The following RMDN2 variants were observed in gnomAD, a reference collection of about 807,000 sequenced individuals.
RMDN2 encodes the protein regulator of microtubule dynamics 2, also known as regulator of microtubule dynamics protein 2.
In RMDN2, 61 loss-of-function variants were observed where a neutral mutation model predicts 52.8. The ratio of observed to expected loss-of-function variants is 1.16; its 90% CI spans 0.94 to 1.43. The LOEUF is 1.43. RMDN2 is among the 40% of genes most tolerant of loss of function. The probability of loss-of-function intolerance (pLI) is 0.00; values close to 1 mark genes in which losing one functional copy is unlikely to be tolerated. For missense variants in RMDN2, 592 were observed against 475.3 expected (o/e 1.25, Z -2.28); for synonymous variants, 180 against 153.1 (o/e 1.18, Z -1.30).
chr2:37,969,724 G>A (rs981575646), intron 2 of RMDN2, among the ~76,000 whole-genome samples: 1 of 151,870 alleles, frequency 6.6e-6, no homozygotes, highest in Non-Finnish European at 1.5e-5. Context: ...GAGCAATATT[G>A]GACATATTTT....
chr2:38,048,532 G>T (rs1457694708), intron 10 of RMDN2, among the ~76,000 whole-genome samples: 2 of 152,216 alleles, frequency 1.3e-5, no homozygotes, highest in African/African-American at 2.4e-5. Context: ...TGGCATGTGA[G>T]CTGGCCCGGC....
Position 38,064,955 on chromosome 2 carries a change from C to T in RMDN2, c.1714-2027C>T, listed in dbSNP as rs147120604. 7.9e-4 allele frequency among the ~76,000 whole-genome samples: 120 copies of T among 152,258 alleles called. 1 individual carries two copies. The East Asian group carries it at 0.015, about 19-fold the overall frequency. On this transcript the variant is annotated intron_variant, in intron 10 of 10. Coordinates refer to the RMDN2 transcript ENST00000234195. ...AACATGCAATATTTAAATTACATAA[C>T]GCACTCACTTGCTGACCCAACACTT...
At chr2:38,005,323 G>GT (rs1220862523) in intron 10 of RMDN2, among the ~76,000 whole-genome samples, 2 of 152,226 alleles carry the variant, frequency 1.3e-5, no homozygotes, top group Non-Finnish European at 2.9e-5. Flanking sequence ...CACCAACAGT[G>GT]TAAAAGTGTT....
chr2:37,970,570 A>G (rs529732257), intron 2 of RMDN2, among the ~76,000 whole-genome samples: 1 of 152,302 alleles, frequency 6.6e-6, no homozygotes, highest in Non-Finnish European at 1.5e-5. Flanking sequence ...GGGGCATTCC[A>G]TCTTTAGTAA....
chr2:37,949,107 A>G (rs928719565), intron 2 of RMDN2, among the ~76,000 whole-genome samples: 4 of 152,202 alleles, frequency 2.6e-5, no homozygotes, highest in East Asian at 1.9e-4. Flanking sequence ...GGAACAAAAG[A>G]CAGTAGTCTC....
At chr2:37,999,585 G>C (rs1246140572) in intron 8 of RMDN2, among the ~76,000 whole-genome samples, 6 of 152,158 alleles carry the variant, frequency 3.9e-5, no homozygotes, top group Admixed American at 3.9e-4. Context: ...TGAGAGGACT[G>C]AGGGGTCTGG....
chr2:37,963,939 G>A (rs1012957416), intron 2 of RMDN2, among the ~76,000 whole-genome samples: 2 of 151,342 alleles, frequency 1.3e-5, no homozygotes, highest in African/African-American at 2.4e-5. Flanking sequence ...GCGGCCAGGC[G>A]GAGGTGCCCC....
At chr2:37,943,024 T>G (rs970789191) in intron 2 of RMDN2, among the ~76,000 whole-genome samples, 2 of 152,188 alleles carry the variant, frequency 1.3e-5, no homozygotes, top group Non-Finnish European at 1.5e-5. Context: ...GCTAAGAGAT[T>G]GAAGCCACTG....
At chr2:38,065,049 CCTCG>C (rs1288880289) in intron 10 of RMDN2, among the ~76,000 whole-genome samples, 1 of 152,162 alleles carries the variant, frequency 6.6e-6, no homozygotes, top group Non-Finnish European at 1.5e-5. Flanking sequence ...CCAAGCTGTT[CCTCG>C]CTGCATCATT....
chr2:38,044,277 A>G (rs1451377930), intron 10 of RMDN2, among the ~76,000 whole-genome samples: 1 of 151,940 alleles, frequency 6.6e-6, no homozygotes, highest in Non-Finnish European at 1.5e-5. Context: ...CTACAGGTAA[A>G]GTATTTAGTT....
chr2:38,007,114 T>A (rs1466135820), intron 10 of RMDN2, among the ~76,000 whole-genome samples: 3 of 152,214 alleles, frequency 2.0e-5, no homozygotes, highest in African/African-American at 7.2e-5. Context: ...TGCCAGTATT[T>A]TATTGAGGAT....
intron 10 of RMDN2, among the ~76,000 whole-genome samples, chr2:38,038,518 G>C (rs1190604061): frequency 1.3e-5 from 2 of 152,168 alleles, no homozygotes; most frequent in Non-Finnish European, 2.9e-5. Context: ...ACCGCTGCCT[G>C]CAACCCCCGC....
At position 37,991,224 on chromosome 2, in the gene RMDN2, A is replaced by G. The variant is rs1674748041; in HGVS notation, c.872A>G (p.His291Arg). The change falls in exon 7 of 11, where the codon CAT becomes CGT. Residue 291 changes from histidine (H) to arginine (R), a missense_variant. Coordinates refer to ENST00000354545, the MANE Select transcript of RMDN2 (RefSeq NM_001170791.3). ...KINYGHLFKE[H>R]LDIAIKLLPE... is the part of the protein sequence containing the mutation. ...TCCTTTGGATGCTTTTTTCAGGAAC[A>G]TCTAGATATAGCAATCAAACTTTTA... 1.3e-6 allele frequency: 2 copies of G among 1,577,420 alleles called. No homozygotes were observed. The highest frequency in any genetic ancestry group is 1.7e-6 in the Non-Finnish European group (2 of 1,156,628).
chr2:38,004,213 AG>A lies in RMDN2; in HGVS notation c.1177del (p.Glu393ArgfsTer12), dbSNP rs1231593970. On this transcript the variant is annotated frameshift_variant and splice_region_variant, in exon 10 of 11. Transcript: ENST00000354545. LOFTEE classifies it high-confidence loss of function. ...CTTTATTGCTTCCTACTGTTACCAAAGAGGTAAGTCCAGAAAGTGACAGTGA... is the reference window on the plus strand; with the variant it reads ...CTTTATTGCTTCCTACTGTTACCAAAAGGTAAGTCCAGAAAGTGACAGTGA... ...LALLLPTVTK[E>X]DKEAQKEMQK... 2 of 1,612,122 alleles carry A rather than the reference AG, an allele frequency of 1.2e-6. No homozygotes were observed. Among genetic ancestry groups the A allele is most frequent in the Admixed American group, 1.7e-5 (1 of 60,020 alleles).
intron 2 of RMDN2, among the ~76,000 whole-genome samples, chr2:37,945,356 C>T: frequency 6.6e-6 from 1 of 152,130 alleles, no homozygotes; most frequent in Non-Finnish European, 1.5e-5. Flanking sequence ...TAACAAAGCC[C>T]TTGCACTCTT....
chr2:37,977,267 ATC>A (rs949104127), intron 4 of RMDN2, among the ~76,000 whole-genome samples: 1 of 152,192 alleles, frequency 6.6e-6, no homozygotes, highest in Non-Finnish European at 1.5e-5. Flanking sequence ...TAACAATCTG[ATC>A]TCTCTTTCTT....
intron 4 of RMDN2, among the ~76,000 whole-genome samples, chr2:37,980,312 T>C (rs1043259179): frequency 6.6e-6 from 1 of 152,190 alleles, no homozygotes; most frequent in African/African-American, 2.4e-5. Context: ...TTTTTGGTTT[T>C]TTTTTATTTG....
intron 2 of RMDN2, among the ~76,000 whole-genome samples, chr2:37,969,968 T>C (rs1450222325): frequency 6.6e-6 from 1 of 152,074 alleles, no homozygotes; most frequent in Non-Finnish European, 1.5e-5. Flanking sequence ...TTTCTTACTC[T>C]GTCTCCCAGG....
chr2:37,926,070 A>G (rs544797951), intron 1 of RMDN2, among the ~76,000 whole-genome samples: 17 of 152,086 alleles, frequency 1.1e-4, no homozygotes, highest in African/African-American at 4.1e-4. Context: ...CACTAGTTCA[A>G]GGTCTCAGTG....
Sources: gnomAD v4.1 joint callset for allele counts (sites outside exome capture counted in the v4.1 genomes callset) on GRCh38, gnomAD v4.1.1 for gene constraint, MANE v1.5 for transcripts, NCBI Gene and HGNC (gene_info 2026-07-23, HGNC 2026-07-21) for gene names.